The following DGKB variants were observed in gnomAD, a reference collection of about 807,000 sequenced individuals.
DGKB encodes the protein 90 kDa diacylglycerol kinase.
A neutral mutation model predicts 114.3 loss-of-function variants in DGKB; 67 were observed. That is an observed-to-expected ratio of 0.59 (90% CI 0.48 to 0.72). The LOEUF (loss-of-function observed/expected upper bound fraction) is 0.72. DGKB is among the 30% of genes least tolerant of loss of function. The pLI is 0.00. For missense variants in DGKB, 907 were observed against 975.2 expected, an observed-to-expected ratio of 0.93 and a Z score of 0.93; for synonymous variants, 398 against 323.1, an observed-to-expected ratio of 1.23 and a Z score of -2.49.
chr7:14,445,870 G>A (rs935868545), intron 21 of DGKB, among the ~76,000 whole-genome samples: 4 of 152,030 alleles, frequency 2.6e-5, no homozygotes, highest in South Asian at 2.1e-4. Context: ...AAACATAGAC[G>A]TAAAGTTGCC....
intron 21 of DGKB, among the ~76,000 whole-genome samples, chr7:14,385,079 T>C (rs1820104896): frequency 1.3e-5 from 2 of 152,216 alleles, no homozygotes; most frequent in African/African-American, 4.8e-5. Flanking sequence ...TACTCCTTCC[T>C]TGTTTTTATT....
intron 1 of DGKB, among the ~76,000 whole-genome samples, chr7:14,865,051 G>A (rs1245680584): frequency 6.6e-6 from 1 of 151,128 alleles, no homozygotes; most frequent in African/African-American, 2.4e-5. Context: ...AGAGGAAAAG[G>A]CAATTCCAGA....
intron 20 of DGKB, among the ~76,000 whole-genome samples, chr7:14,541,631 A>C (rs946825128): frequency 6.6e-6 from 1 of 152,166 alleles, no homozygotes; most frequent in African/African-American, 2.4e-5. Context: ...ACCTAATCCA[A>C]AACCTTCCCA....
In DGKB at chr7:14,852,140, T is replaced by C. The variant is rs563503387; in HGVS notation, c.-187-10690A>G. On this transcript the variant is annotated intron_variant, in intron 1 of 25. Transcript: ENST00000402815. ...AACATTTGACACATATAAAATGAAA[T>C]TAAAATACTGTTACTATTCCAGTTA... Among the ~76,000 whole-genome samples, 3 of 152,284 alleles carry C rather than the reference T, an allele frequency of 2.0e-5. No individual in the cohort carries two copies. In the East Asian group the frequency reaches 5.8e-4, roughly 29 times the overall value.
At chr7:14,453,812 T>G (rs1359037252) in intron 21 of DGKB, among the ~76,000 whole-genome samples, 1 of 152,116 alleles carries the variant, frequency 6.6e-6, no homozygotes, top group Non-Finnish European at 1.5e-5. Context: ...ACAAGTGACC[T>G]TGGTTGTGTT....
At chr7:14,664,387 A>G (rs1817668901) in intron 13 of DGKB, among the ~76,000 whole-genome samples, 1 of 151,868 alleles carries the variant, frequency 6.6e-6, no homozygotes, top group Admixed American at 6.6e-5. Flanking sequence ...CCTGCTTTAC[A>G]TTTCTTTTAC....
intron 2 of DGKB, among the ~76,000 whole-genome samples, chr7:14,802,167 C>T (rs553889082): frequency 4.5e-4 from 69 of 152,174 alleles, no homozygotes; most frequent in African/African-American, 1.6e-3. Context: ...TTATTACAAA[C>T]TATAAAGATA....
chr7:14,377,482 T>C (rs879309846), intron 21 of DGKB, among the ~76,000 whole-genome samples: 37 of 152,234 alleles, frequency 2.4e-4, no homozygotes, highest in Non-Finnish European at 4.8e-4. Context: ...GTATGGACTT[T>C]CTTTTCTTGA....
chr7:14,383,858 G>C (rs77317587), intron 21 of DGKB, among the ~76,000 whole-genome samples: 3,682 of 152,310 alleles, frequency 0.024, 128 homozygotes, highest in African/African-American at 0.08. Context: ...AATAGTAAGC[G>C]AGAAAGAGAG....
intron 21 of DGKB, among the ~76,000 whole-genome samples, chr7:14,465,193 C>T (rs1392804742): frequency 1.3e-5 from 2 of 152,092 alleles, no homozygotes; most frequent in East Asian, 3.9e-4. Flanking sequence ...CCATGTTTGG[C>T]TTTTGTCTTC....
chr7:14,579,968 G>A (rs1047770618), intron 19 of DGKB, among the ~76,000 whole-genome samples: 13 of 152,150 alleles, frequency 8.5e-5, no homozygotes, highest in African/African-American at 3.1e-4. Context: ...TAGCATTCAA[G>A]TCCTGCTTCT....
chr7:14,825,042 A>G lies in DGKB; in HGVS notation c.70+16152T>C, dbSNP rs1001247426. Reference sequence around the variant, plus strand: ...TATATATATATATATATATATATATATATATATATATATATCACATGTACT... The same window carrying G: ...TATATATATATATATATATATATATGTATATATATATATATCACATGTACT... On this transcript the variant is annotated intron_variant, in intron 2 of 25. Coordinates refer to ENST00000402815, the MANE Select transcript of DGKB (RefSeq NM_001350709.2). Among the ~76,000 whole-genome samples the G allele has an allele frequency of 5.9e-4, 85 of 142,908 alleles. 3 individuals are homozygous for G. Among genetic ancestry groups the G allele is most frequent in the African/African-American group, 2.0e-3 (80 of 39,196 alleles). 93.8% of individuals were successfully genotyped at this position (142,908 alleles called of 152,430 possible).
chr7:14,663,617 C>CCTCCCTTT (rs1286836801), intron 13 of DGKB, among the ~76,000 whole-genome samples: 5 of 141,420 alleles, frequency 3.5e-5, no homozygotes, highest in African/African-American at 1.3e-4. Flanking sequence ...CTTTTCCCTT[C>CCTCCCTTT]CTCCCTTCCT....
intron 17 of DGKB, 46 bp from the exon 18 acceptor site, chr7:14,583,183 A>T (rs1800210494): frequency 2.4e-6 from 3 of 1,228,052 alleles, no homozygotes. Flanking sequence ...GTTTAAAAAT[A>T]AGATGTTTTC....
intron 20 of DGKB, among the ~76,000 whole-genome samples, chr7:14,497,784 G>A (rs1785518835): frequency 6.6e-6 from 1 of 151,870 alleles, no homozygotes; most frequent in African/African-American, 2.4e-5. Context: ...ACCAATAGGT[G>A]GGTTCAGCTG....
intron 13 of DGKB, among the ~76,000 whole-genome samples, chr7:14,660,945 CAATGGGGAAAGGATTCCCTATTTAATA>C (rs1307302481): frequency 6.6e-6 from 1 of 150,494 alleles, no homozygotes; most frequent in Non-Finnish European, 1.5e-5. Context: ...GAAAAACAAG[CAATGGGGAAAGGATTCCCTATTTAATA>C]AATGGTGCTG....
At chr7:14,304,000 T>A (rs140169125) in intron 23 of DGKB, among the ~76,000 whole-genome samples, 2,610 of 151,716 alleles carry the variant, frequency 0.017, 38 homozygotes, top group Non-Finnish European at 0.027. Flanking sequence ...TTTATTTAAT[T>A]TTTTAATGTT....
At chr7:14,485,417 A>T (rs1422757254) in intron 20 of DGKB, among the ~76,000 whole-genome samples, 1 of 151,690 alleles carries the variant, frequency 6.6e-6, no homozygotes, top group African/African-American at 2.4e-5. Context: ...CCCATTGTAG[A>T]TTTCTGTTAC....
intron 22 of DGKB, among the ~76,000 whole-genome samples, chr7:14,339,208 T>TA (rs35265569): frequency 0.075 from 10,619 of 142,018 alleles, 564 homozygotes; most frequent in East Asian, 0.27. Context: ...AGACTTTTGC[T>TA]AAAAAAAAAA....
Sources: allele counts gnomAD v4.1 joint callset (sites outside exome capture counted in the v4.1 genomes callset), GRCh38; gene constraint gnomAD v4.1.1; transcripts MANE v1.5; gene names NCBI Gene and HGNC (gene_info 2026-07-23, HGNC 2026-07-21).